The following SLC14A2 variants were observed in gnomAD, a reference collection of about 807,000 sequenced individuals.
SLC14A2 encodes the protein solute carrier family 14 member 2.
SLC14A2 carries 91 observed loss-of-function variants against 104.6 expected under a neutral mutation model. The ratio of observed to expected loss-of-function variants is 0.87; its 90% CI spans 0.73 to 1.04. SLC14A2 has a LOEUF of 1.04. SLC14A2 is among the 50% of genes least tolerant of loss of function. The pLI is 0.00. For synonymous variants in SLC14A2, 476 were observed against 466.4 expected (o/e 1.02, Z -0.27); for missense variants, 1,189 against 1,156.0 (o/e 1.03, Z -0.41).
At chr18:45,539,691 A>G (rs1308460966) in intron 2 of SLC14A2, among the ~76,000 whole-genome samples, 2 of 152,068 alleles carry the variant, frequency 1.3e-5, no homozygotes, top group Non-Finnish European at 2.9e-5. Flanking sequence ...TTCCAAATCC[A>G]TTACATTCCA....
chr18:45,400,007 G>A (rs2086078389), intron 1 of SLC14A2, among the ~76,000 whole-genome samples: 1 of 152,066 alleles, frequency 6.6e-6, no homozygotes, highest in Non-Finnish European at 1.5e-5. Context: ...TGTGTTCCAG[G>A]GAGCTTGTCA....
intron 2 of SLC14A2, among the ~76,000 whole-genome samples, chr18:45,608,667 TA>T (rs2044914508): frequency 6.6e-6 from 1 of 152,238 alleles, no homozygotes; most frequent in Non-Finnish European, 1.5e-5. Context: ...TCTGTCCCAT[TA>T]CCTCAGTCAA....
intron 1 of SLC14A2, among the ~76,000 whole-genome samples, chr18:45,322,793 A>G (rs2085198159): frequency 1.3e-5 from 2 of 152,188 alleles, no homozygotes; most frequent in Admixed American, 6.5e-5. Context: ...AAACCTAGAT[A>G]TGTGACTCCC....
At chr18:45,195,537 A>G in the SLC14A2 span, among the ~76,000 whole-genome samples, 16 of 152,256 alleles carry the variant, frequency 1.1e-4, no homozygotes, top group African/African-American at 3.8e-4. Context: ...GACTACAGGC[A>G]CATGCTACCA....
At chr18:45,560,807 G>A (rs958105699) in intron 2 of SLC14A2, among the ~76,000 whole-genome samples, 1 of 151,994 alleles carries the variant, frequency 6.6e-6, no homozygotes, top group Non-Finnish European at 1.5e-5. Flanking sequence ...CTTCCTGCTT[G>A]TCCCCACCTC....
chr18:45,214,778 G>A (rs12327528), intron 1 of SLC14A2, among the ~76,000 whole-genome samples: 17,751 of 151,956 alleles, frequency 0.12, 1,077 homozygotes, highest in Non-Finnish European at 0.12. Context: ...TCTATAACAT[G>A]TCATCATTAA....
intron 1 of SLC14A2, among the ~76,000 whole-genome samples, chr18:45,421,336 C>T (rs541374870): frequency 5.9e-5 from 9 of 151,760 alleles, no homozygotes; most frequent in Non-Finnish European, 7.4e-5. Flanking sequence ...ATCAACAACC[C>T]TCTTTGCATT....
chr18:45,645,840 C>T (rs969160859), intron 10 of SLC14A2, among the ~76,000 whole-genome samples: 2 of 152,078 alleles, frequency 1.3e-5, no homozygotes, highest in African/African-American at 4.8e-5. Context: ...ATTTGGTCCA[C>T]AAGCTGTATT....
At chr18:45,368,996 T>G (rs1368373089) in intron 1 of SLC14A2, among the ~76,000 whole-genome samples, 1 of 152,196 alleles carries the variant, frequency 6.6e-6, no homozygotes, top group East Asian at 1.9e-4. Flanking sequence ...GCTAGGATGT[T>G]GTAATGGGGA....
chr18:45,504,036 C>T (rs1294900989), intron 2 of SLC14A2, among the ~76,000 whole-genome samples: 1 of 152,206 alleles, frequency 6.6e-6, no homozygotes, highest in Non-Finnish European at 1.5e-5. Flanking sequence ...AAAGTGCACT[C>T]ACAAGGGTGA....
chr18:45,549,439 C>T (rs2044022885), intron 2 of SLC14A2, among the ~76,000 whole-genome samples: 1 of 152,202 alleles, frequency 6.6e-6, no homozygotes, highest in Non-Finnish European at 1.5e-5. Flanking sequence ...CAGTGCAGCC[C>T]CAGCTCTGCC....
At chr18:45,601,026 C>A (rs2044783394) in intron 2 of SLC14A2, among the ~76,000 whole-genome samples, 1 of 152,096 alleles carries the variant, frequency 6.6e-6, no homozygotes, top group Non-Finnish European at 1.5e-5. Flanking sequence ...GAGGGGGGAC[C>A]AAGACTCAAA....
chr18:45,608,689 AT>A (rs1282738819), intron 2 of SLC14A2, among the ~76,000 whole-genome samples: 1 of 152,232 alleles, frequency 6.6e-6, no homozygotes, highest in Non-Finnish European at 1.5e-5. Context: ...GCTTCAGAGG[AT>A]TTAGACAACA....
At chr18:45,405,941 G>A (rs1028844407) in intron 1 of SLC14A2, among the ~76,000 whole-genome samples, 5 of 151,588 alleles carry the variant, frequency 3.3e-5, no homozygotes, top group African/African-American at 1.2e-4. Flanking sequence ...AAGCTTCAGC[G>A]AGTTGTAATT....
chr18:45,242,130 G>C (rs754023179), intron 1 of SLC14A2, among the ~76,000 whole-genome samples: 3 of 152,130 alleles, frequency 2.0e-5, no homozygotes, highest in Non-Finnish European at 2.9e-5. Flanking sequence ...GGTCCTGGGG[G>C]AGGTGGCTTG....
At chr18:45,401,710 G>A (rs148770551) in intron 1 of SLC14A2, among the ~76,000 whole-genome samples, 1 of 152,200 alleles carries the variant, frequency 6.6e-6, no homozygotes, top group Non-Finnish European at 1.5e-5. Context: ...ATTTAGTAGG[G>A]ATACTTATAC....
At chr18:45,413,583 A>T (rs913262429) in intron 1 of SLC14A2, among the ~76,000 whole-genome samples, 2 of 152,208 alleles carry the variant, frequency 1.3e-5, no homozygotes, top group African/African-American at 4.8e-5. Context: ...AAGAAGGAGC[A>T]GTCAGAATTA....
intron 18 of SLC14A2, among the ~76,000 whole-genome samples, chr18:45,678,661 A>C (rs2046264630): frequency 1.3e-5 from 2 of 152,246 alleles, no homozygotes; most frequent in Non-Finnish European, 2.9e-5. Flanking sequence ...CCGTATAGTA[A>C]AATTTTCATT....
chr18:45,231,276 T>C (rs8089450), intron 1 of SLC14A2, among the ~76,000 whole-genome samples: 49,184 of 152,016 alleles, frequency 0.32, 8,616 homozygotes, highest in African/African-American at 0.47. Flanking sequence ...AATCATAGCT[T>C]ACTGCAGCCT....
Sources: gnomAD v4.1 joint callset for allele counts (sites outside exome capture counted in the v4.1 genomes callset) on GRCh38, gnomAD v4.1.1 for gene constraint, MANE v1.5 for transcripts, NCBI Gene and HGNC (gene_info 2026-07-23, HGNC 2026-07-21) for gene names.